Variants in PHLPP2 observed in about 807,000 individuals in gnomAD.
PHLPP2 encodes PH domain leucine-rich repeat-containing protein phosphatase 2.
PHLPP2 carries 66 observed loss-of-function variants against 124.9 expected under a neutral mutation model. The ratio of observed to expected loss-of-function variants is 0.53; its 90% CI spans 0.43 to 0.65. The LOEUF is 0.65. PHLPP2 is among the 30% of genes least tolerant of loss of function. The probability of loss-of-function intolerance (pLI) is 0.00; values close to 1 mark genes in which losing one functional copy is unlikely to be tolerated. For missense variants in PHLPP2, 1,685 were observed against 1,600.4 expected, an observed-to-expected ratio of 1.05 and a Z score of -0.90; for synonymous variants, 681 against 624.7, an observed-to-expected ratio of 1.09 and a Z score of -1.34.
chr16:71,689,264 A>G (rs2045083610), intron 4 of PHLPP2, among the ~76,000 whole-genome samples: 1 of 151,594 alleles, frequency 6.6e-6, no homozygotes, highest in South Asian at 2.1e-4. Context: ...ACATAAGGCT[A>G]GGATACGGTA....
chr16:71,660,756 T>C (rs902167849), intron 13 of PHLPP2, among the ~76,000 whole-genome samples: 1 of 152,148 alleles, frequency 6.6e-6, no homozygotes, highest in African/African-American at 2.4e-5. Flanking sequence ...AGTGTTCCCA[T>C]GTCCAAATCT....
intron 3 of PHLPP2, among the ~76,000 whole-genome samples, chr16:71,693,409 G>T (rs1034495793): frequency 6.6e-6 from 1 of 152,196 alleles, no homozygotes; most frequent in African/African-American, 2.4e-5. Flanking sequence ...CTCAGAAGCA[G>T]CTTCAACTCT....
chr16:71,714,922 C>A (rs1597019531), intron 1 of PHLPP2, 121 bp from the exon 2 acceptor site: 7 of 1,260,572 alleles, frequency 5.6e-6, no homozygotes, highest in Non-Finnish European at 6.4e-6. Context: ...GTATCCCCTC[C>A]TTTTGTGGAG....
chr16:71,684,546 T>G lies in PHLPP2; in HGVS notation c.665A>C (p.Gln222Pro), dbSNP rs770387665. 3 of 1,613,882 alleles carry G rather than the reference T, an allele frequency of 1.9e-6. No individual in the cohort carries two copies. Among genetic ancestry groups the G allele is most frequent in the South Asian group, 1.1e-5 (1 of 91,070 alleles). ...YSLAFSSAGA[Q>P]AQTYHVSFET... ...GAAGCTGACATGATAGGTCTGAGCT[T>G]GGGCTCCTGCTGAGCTGAAAGCAAG... Residue 222 changes from glutamine (Q) to proline (P), a missense_variant, in exon 5 of 19, where the codon CAA (glutamine) becomes CCA (proline). Transcript: ENST00000568954.
At chr16:71,667,463 G>A in intron 11 of PHLPP2, 130 bp from the exon 12 acceptor site, 1 of 681,588 alleles carries the variant, frequency 1.5e-6, no homozygotes, top group South Asian at 2.2e-5. Context: ...TATACTCACT[G>A]ACAAGTGCCT....
In PHLPP2 at chr16:71,652,901, T is replaced by C. The variant is rs781387115; in HGVS notation, c.2706A>G (p.Gln902=). ...GCTTCCCACCTCGGCACAGGACTGC[T>C]TGGCACGTGCCAACATTGGCTACAG... ...SLTVANVGTC[Q]AVLCRGGKPV... is the part of the protein sequence containing the mutation. Residue 902 remains glutamine (Q), a synonymous_variant, in exon 18 of 19, where the codon CAA becomes CAG. Coordinates refer to ENST00000568954, the MANE Select transcript of PHLPP2 (RefSeq NM_015020.3). 3.1e-6 allele frequency: 5 copies of C among 1,614,120 alleles called. No homozygotes were observed. Among genetic ancestry groups the C allele is most frequent in the Non-Finnish European group, 4.2e-6 (5 of 1,179,986 alleles).
intron 3 of PHLPP2, among the ~76,000 whole-genome samples, chr16:71,694,807 C>T (rs1038787113): frequency 7.9e-5 from 12 of 151,510 alleles, no homozygotes; most frequent in Non-Finnish European, 1.6e-4. Flanking sequence ...ATTTTTGAGA[C>T]GGAGTCTTGC....
At chr16:71,720,600 C>G (rs1228576145) in intron 1 of PHLPP2, among the ~76,000 whole-genome samples, 1 of 152,160 alleles carries the variant, frequency 6.6e-6, no homozygotes, top group African/African-American at 2.4e-5. Flanking sequence ...TGCGGTGGCT[C>G]ATGCCTGTAA....
intron 2 of PHLPP2, among the ~76,000 whole-genome samples, chr16:71,706,201 T>C (rs1030580966): frequency 6.6e-6 from 1 of 152,256 alleles, no homozygotes; most frequent in Non-Finnish European, 1.5e-5. Flanking sequence ...CTTCAAATGC[T>C]TGTGAGACCT....
intron 4 of PHLPP2, among the ~76,000 whole-genome samples, chr16:71,686,208 C>A (rs757663010): frequency 6.6e-6 from 1 of 152,146 alleles, no homozygotes; most frequent in Non-Finnish European, 1.5e-5. Flanking sequence ...ACAGGCCACT[C>A]TTCACCCAGG....
At chr16:71,707,786 ATAGC>A (rs1392458662) in intron 2 of PHLPP2, among the ~76,000 whole-genome samples, 1 of 152,196 alleles carries the variant, frequency 6.6e-6, no homozygotes, top group Non-Finnish European at 1.5e-5. Flanking sequence ...AATTGTAAGT[ATAGC>A]ACCTTCCTGA....
At chr16:71,657,211 G>A (rs2044749592) in intron 15 of PHLPP2, among the ~76,000 whole-genome samples, 1 of 151,956 alleles carries the variant, frequency 6.6e-6, no homozygotes, top group South Asian at 2.1e-4. Flanking sequence ...CCAAAGTGCT[G>A]GGATTACAGG....
In PHLPP2 at chr16:71,679,414, G is replaced by A; in HGVS notation, c.1012C>T (p.Pro338Ser). The A allele has an allele frequency of 6.2e-7, 1 of 1,613,890 alleles. No individual in the cohort carries two copies. The highest frequency in any genetic ancestry group is 8.5e-7 in the Non-Finnish European group (1 of 1,179,806). The change falls in exon 7 of 19, where the codon CCA becomes TCA. Residue 338 changes from proline (P) to serine (S), a missense_variant. Physicochemically the swap from Pro to Ser is moderately conservative, Grantham distance 74. Transcript: ENST00000568954. ...NLSCNGFHDL[P>S]SQIGNLLNLQ... ...TTTAGCAGATTGCCAATTTGACTTG[G>A]TAGGTCATGAAATCCATTACAGGAA... is the stretch of plus-strand genomic sequence containing the variant.
chr16:71,723,318 G>C (rs898422741), intron 1 of PHLPP2: 3 of 152,428 alleles, frequency 2.0e-5, no homozygotes, highest in Non-Finnish European at 4.4e-5. Flanking sequence ...CTCCCGCTGG[G>C]GTGATGTCTT....
chr16:71,697,817 CT>C (rs1003788064), intron 3 of PHLPP2, among the ~76,000 whole-genome samples: 3 of 129,460 alleles, frequency 2.3e-5, no homozygotes, highest in African/African-American at 3.1e-5. Context: ...CTCTCTCTCT[CT>C]TTTTTTTTTT....
intron 1 of PHLPP2, chr16:71,723,718 C>G (rs2045413628): frequency 5.5e-6 from 5 of 912,322 alleles, no homozygotes; most frequent in Non-Finnish European, 7.6e-6. Flanking sequence ...CTCCCTAGTC[C>G]GCTTGCCCGC....
At chr16:71,694,269 G>A (rs1044441396) in intron 3 of PHLPP2, among the ~76,000 whole-genome samples, 2 of 151,482 alleles carry the variant, frequency 1.3e-5, no homozygotes, top group South Asian at 4.2e-4. Context: ...TGAGACCAGC[G>A]TGACCAACAT....
intron 2 of PHLPP2, 105 bp downstream of exon 2, chr16:71,714,407 C>T: frequency 7.2e-7 from 1 of 1,391,282 alleles, no homozygotes; most frequent in South Asian, 1.7e-5. Flanking sequence ...AGTCCGTAAT[C>T]AACATCAGTT....
intron 7 of PHLPP2, 105 bp from the exon 8 acceptor site, chr16:71,679,090 C>A: frequency 1.5e-6 from 1 of 686,436 alleles, no homozygotes. Flanking sequence ...ATTATCAATC[C>A]CAAAATAGTA....
Sources: gnomAD v4.1 joint callset for allele counts (sites outside exome capture counted in the v4.1 genomes callset) on GRCh38, gnomAD v4.1.1 for gene constraint, MANE v1.5 for transcripts, NCBI Gene and HGNC (gene_info 2026-07-23, HGNC 2026-07-21) for gene names.